Variants in HTRA2 observed in about 807,000 individuals in gnomAD.
HTRA2 encodes serine protease HTRA2, mitochondrial.
HTRA2 carries 24 observed loss-of-function variants against 42.2 expected under a neutral mutation model. That is an observed-to-expected ratio of 0.57 (90% CI 0.41 to 0.80). The LOEUF (loss-of-function observed/expected upper bound fraction) is 0.80. HTRA2 is among the 30% of genes least tolerant of loss of function. The probability of loss-of-function intolerance (pLI) is 0.00; values close to 1 mark genes in which losing one functional copy is unlikely to be tolerated. For synonymous variants in HTRA2, 245 were observed against 255.8 expected (o/e 0.96, Z 0.40); for missense variants, 466 against 613.5 (o/e 0.76, Z 2.54).
chr2:74,530,921 C>G lies in HTRA2; in HGVS notation c.722C>G (p.Pro241Arg). ...TLRIQTKEPL[P>R]TLPLGRSADV... ...CCCATTCTCCCTTAGGAGCCTCTCC[C>G]CACGCTGCCTCTGGGACGCTCAGCT... Residue 241 changes from proline to arginine, a missense_variant, in exon 3 of 8, where the codon CCC becomes CGC. Physicochemically the swap from Pro to Arg is moderately radical, Grantham distance 103. Transcript: ENST00000258080. The surrounding 1 kb of genome is among the most constrained non-coding windows in gnomAD (Gnocchi z 7.4). 1 of 1,614,206 alleles carries G rather than the reference C, an allele frequency of 6.2e-7. No individual in the cohort carries two copies. Among genetic ancestry groups the G allele is most frequent in the Middle Eastern group, 1.6e-4 (1 of 6,062 alleles).
At chr2:74,531,475 C>A (rs772641525) in intron 4 of HTRA2, 104 bp downstream of exon 4, 2 of 1,607,358 alleles carry the variant, frequency 1.2e-6, no homozygotes, top group Admixed American at 3.3e-5. Context: ...CTGAGCAGTT[C>A]TTTGTTGGCT....
At position 74,530,187 on chromosome 2, in the gene HTRA2, TTG is replaced by T; in HGVS notation, c.183_184del (p.Leu61PhefsTer6). The part of the protein sequence containing the change: ...TYGTPSLWAR[L>X]SVGVTEPRAC... Reference sequence around the variant, plus strand: ...TGGGACCCCCAGTCTCTGGGCCCGGTTGTCTGTTGGGGTCACTGAACCCCGAG... The same window carrying T: ...TGGGACCCCCAGTCTCTGGGCCCGGTTCTGTTGGGGTCACTGAACCCCGAG... On this transcript the variant is annotated frameshift_variant, in exon 1 of 8. Coordinates refer to ENST00000258080, the MANE Select transcript of HTRA2 (RefSeq NM_013247.5). LOFTEE classifies it high-confidence loss of function. The surrounding 1 kb of genome is among the most constrained non-coding windows in gnomAD (Gnocchi z 7.4). 6.2e-7 allele frequency: 1 copy of T among 1,611,556 alleles called. No homozygotes were observed. The highest frequency in any genetic ancestry group is 8.5e-7 in the Non-Finnish European group (1 of 1,179,156).
chr2:74,533,287 T>A lies in HTRA2; in HGVS notation c.*302T>A. 1.9e-6 allele frequency: 1 copy of A among 535,060 alleles called. No homozygotes were observed. The highest frequency in any genetic ancestry group is 3.3e-5 in the East Asian group (1 of 30,218). 33.1% of individuals were successfully genotyped at this position (535,060 alleles called of 1,614,324 possible). On this transcript the variant is annotated 3_prime_UTR_variant, in exon 8 of 8. Transcript: ENST00000258080. ...GGGGAGATACTGGAGCTGACCATCC[T>A]GACCTCCTATTAAAGAAAATGAGCT...
rs774910238 is a variant in HTRA2, at chr2:74,530,409, G to C, written c.403G>C (p.Val135Leu). The change falls in exon 1 of 8, where the codon GTC (valine) becomes CTC (leucine). Residue 135 changes from valine (V) to leucine (L), a missense_variant. Val to Leu is a conservative substitution (Grantham distance 32, BLOSUM62 1). This residue lies in a region of HTRA2 where 222 missense variants were observed against 205.1 expected (regional missense o/e 1.08). Coordinates refer to ENST00000258080, the MANE Select transcript of HTRA2 (RefSeq NM_013247.5). This position sits in a 1 kb window ranked among gnomAD's most constrained non-coding sequence, Gnocchi z 7.4. Reference protein sequence around the residue: ...GRGPPAVLAAVPSPPPASPRS... With the variant: ...GRGPPAVLAALPSPPPASPRS... ...GGGTCCTCCGGCCGTCCTCGCCGCC[G>C]TCCCTAGCCCGCCGCCCGCTTCTCC... The C allele has an allele frequency of 4.4e-6, 7 of 1,598,600 alleles. No homozygotes were observed. Among genetic ancestry groups the C allele is most frequent in the African/African-American group, 1.3e-5 (1 of 74,858 alleles).
upstream of HTRA2, chr2:74,529,657 T>G: frequency 6.5e-7 from 1 of 1,545,930 alleles, no homozygotes; most frequent in Non-Finnish European, 8.7e-7. Flanking sequence ...CGCCCGGCCG[T>G]CGCCGCCGCC....
upstream of HTRA2, chr2:74,529,571 G>A (rs1051024259): frequency 1.9e-5 from 30 of 1,560,678 alleles, no homozygotes; most frequent in Admixed American, 5.3e-4. Flanking sequence ...TTCCCGCCGG[G>A]TCTCTTACCG....
intron 3 of HTRA2, 116 bp downstream of exon 3, chr2:74,531,221 T>C: frequency 1.9e-6 from 3 of 1,544,014 alleles, no homozygotes; most frequent in African/African-American, 1.4e-5. Flanking sequence ...GCTGCAAAAA[T>C]GTGGCCACTT....
upstream of HTRA2, chr2:74,529,445 C>G: frequency 1.3e-6 from 2 of 1,570,962 alleles, no homozygotes; most frequent in Non-Finnish European, 1.7e-6. Flanking sequence ...GGAGGCAGAA[C>G]CCGACTGGCG....
rs1224516234 is a variant in HTRA2, at chr2:74,533,289, ACCT to A, written c.*308_*310del. 1.3e-5 allele frequency: 7 copies of A among 530,498 alleles called. No individual in the cohort carries two copies. The East Asian group carries it at 2.0e-4, about 15-fold the overall frequency. The allele number at this position is 530,498 out of a possible 1,614,324, so 32.9% of individuals were successfully genotyped here. A position where few individuals can be genotyped will look rare whatever the true frequency, so the allele number is the denominator to read the frequency against. On this transcript the variant is annotated 3_prime_UTR_variant, in exon 8 of 8. Coordinates refer to ENST00000258080, the MANE Select transcript of HTRA2 (RefSeq NM_013247.5). ...GGAGATACTGGAGCTGACCATCCTG[ACCT>A]CCTATTAAAGAAAATGAGCTGCTGC...
upstream of HTRA2, chr2:74,529,561 T>G: frequency 6.4e-7 from 1 of 1,555,396 alleles, no homozygotes; most frequent in South Asian, 1.2e-5. Flanking sequence ...GATCGGTCTC[T>G]TCCCGCCGGG....
chr2:74,531,425 G>T, intron 4 of HTRA2, 54 bp downstream of exon 4: 2 of 1,607,904 alleles, frequency 1.2e-6, no homozygotes, highest in African/African-American at 1.3e-5. Context: ...AGTGTGGGAA[G>T]GGTAGGTTTC....
In HTRA2 at chr2:74,531,883, A is replaced by G; in HGVS notation, c.1073A>G (p.Gln358Arg). ...KNSSSGISGS[Q>R]RRYIGVMMLT... ...TCCTCCTCCGGAATCAGTGGGTCCC[A>G]GCGGCGCTACATTGGGGTGATGATG... The change falls in exon 6 of 8, where the codon CAG becomes CGG. Residue 358 changes from glutamine to arginine, a missense_variant. Gln to Arg is a conservative substitution (Grantham distance 43). This residue lies in a region of HTRA2 where 129 missense variants were observed against 163.1 expected (regional missense o/e 0.79). Transcript: ENST00000258080. The G allele has an allele frequency of 6.2e-7, 1 of 1,614,132 alleles. No homozygotes were observed. Among genetic ancestry groups the G allele is most frequent in the Admixed American group, 1.7e-5 (1 of 60,028 alleles).
At position 74,532,824 on chromosome 2, in the gene HTRA2, G is replaced by T. The variant is rs1262677262; in HGVS notation, c.1216G>T (p.Gly406Cys). 1.2e-6 allele frequency: 2 copies of T among 1,613,984 alleles called. No homozygotes were observed. Among genetic ancestry groups the T allele is most frequent in the African/African-American group, 1.3e-5 (1 of 74,880 alleles). The change falls in exon 8 of 8, where the codon GGT becomes TGT. Residue 406 changes from glycine to cysteine, a missense_variant. Gly to Cys is a radical substitution (Grantham distance 159, BLOSUM62 -3). Coordinates refer to ENST00000258080, the MANE Select transcript of HTRA2 (RefSeq NM_013247.5). ...VILGSPAHRA[G>C]LRPGDVILAI... ...TCTGTCCATTTTTCTCTATAGGGCT[G>T]GTCTGCGGCCTGGTGATGTGATTTT...
Position 74,530,512 on chromosome 2 carries a change from G to A in HTRA2, c.506G>A (p.Arg169Gln). The A allele has an allele frequency of 6.2e-7, 1 of 1,612,594 alleles. No homozygotes were observed. The highest frequency in any genetic ancestry group is 8.5e-7 in the Non-Finnish European group (1 of 1,180,034). Reference protein sequence around the residue: ...PAVVYIEILDRHPFLGREVPI... With the variant: ...PAVVYIEILDQHPFLGREVPI... ...GTGGTCTATATCGAGATCCTGGACC[G>A]GTAATGGTGGGGGTAGACCGGGAGG... The change falls in exon 1 of 8, where the codon CGG (arginine) becomes CAG (glutamine). Residue 169 changes from arginine to glutamine, a missense_variant and splice_region_variant. Arg to Gln is a conservative substitution (Grantham distance 43). Transcript: ENST00000258080. The surrounding 1 kb of genome is among the most constrained non-coding windows in gnomAD (Gnocchi z 7.4).
At chr2:74,533,485 A>G, downstream of HTRA2, 1 of 796,922 alleles carries the variant, frequency 1.3e-6, no homozygotes, top group African/African-American at 1.7e-5. Flanking sequence ...TTCCACATCC[A>G]TAGTGCATGG....
chr2:74,532,504 C>T (rs1675685297), intron 6 of HTRA2, 115 bp from the exon 7 acceptor site: 1 of 797,182 alleles, frequency 1.3e-6, no homozygotes, highest in African/African-American at 1.7e-5. Flanking sequence ...TTTTGTAGTA[C>T]CTAGCCCATG....
At chr2:74,529,573 C>G, upstream of HTRA2, 1 of 1,562,298 alleles carries the variant, frequency 6.4e-7, no homozygotes, top group Non-Finnish European at 8.7e-7. Flanking sequence ...CCCGCCGGGT[C>G]TCTTACCGGT....
upstream of HTRA2, chr2:74,529,927 C>G: frequency 6.7e-7 from 1 of 1,483,242 alleles, no homozygotes; most frequent in Non-Finnish European, 8.9e-7. Flanking sequence ...CGGCGTGCCC[C>G]GCGTCCTACT....
chr2:74,532,622 C>A lies in HTRA2; in HGVS notation c.1119C>A (p.Ile373=). The change falls in exon 7 of 8, where the codon ATC becomes ATA. Residue 373 remains isoleucine, a synonymous_variant. Transcript: ENST00000258080. ...GVMMLTLSPS[I]LAELQLREPS... is the part of the protein sequence containing the mutation. ...AGGGTGATCTGTGTACTTTCAGCATCCTTGCTGAACTACAGCTTCGAGAAC... is the reference window on the plus strand; with the variant it reads ...AGGGTGATCTGTGTACTTTCAGCATACTTGCTGAACTACAGCTTCGAGAAC... 1 of 1,612,796 alleles carries A rather than the reference C, an allele frequency of 6.2e-7. No homozygotes were observed. The highest frequency in any genetic ancestry group is 1.1e-5 in the South Asian group (1 of 90,948).
Sources: allele counts gnomAD v4.1 joint callset, GRCh38; gene constraint gnomAD v4.1.1; regional missense constraint gnomAD v4.1.1; non-coding constraint Gnocchi (gnomAD v3.1); transcripts MANE v1.5; gene names NCBI Gene and HGNC (gene_info 2026-07-23, HGNC 2026-07-21).